Variants in EPHX4 observed in about 807,000 individuals in gnomAD.
The protein encoded by EPHX4 is epoxide hydrolase 4.
A neutral mutation model predicts 44.9 loss-of-function variants in EPHX4; 31 were observed. That is an observed-to-expected ratio of 0.69 (90% CI 0.52 to 0.93). The LOEUF (loss-of-function observed/expected upper bound fraction) is 0.93. Among genes scored for constraint, EPHX4 ranks in the 40% least tolerant of loss-of-function variants. The pLI, the probability that EPHX4 is intolerant of heterozygous loss-of-function variation, is 0.00. For missense variants in EPHX4, 373 were observed against 438.1 expected (o/e 0.85, Z 1.33); for synonymous variants, 151 against 159.7 (o/e 0.95, Z 0.41).
At chr1:92,046,347 G>A (rs1270406881) in intron 4 of EPHX4, among the ~76,000 whole-genome samples, 1 of 152,126 alleles carries the variant, frequency 6.6e-6, no homozygotes, top group African/African-American at 2.4e-5. Context: ...AGGAAATTTG[G>A]CCTCACACAG....
intron 1 of EPHX4, among the ~76,000 whole-genome samples, 175 bp downstream of exon 1, chr1:92,030,485 T>TGTGTGTGTGTGTGTGTGAGTGA (rs1326928763): frequency 1.1e-4 from 15 of 138,718 alleles, no homozygotes; most frequent in South Asian, 4.6e-4. Context: ...TGTGTGTGTG[T>TGTGTGTGTGTGTGTGTGAGTGA]GAGAGAGAGA....
intron 2 of EPHX4, among the ~76,000 whole-genome samples, chr1:92,035,445 G>A (rs973793683): frequency 6.6e-6 from 1 of 152,144 alleles, no homozygotes; most frequent in Non-Finnish European, 1.5e-5. Context: ...GAGTCAAAAT[G>A]TCGAAAATCT....
rs775346682 is a variant in EPHX4, at chr1:92,042,817, C to T, written c.318-6C>T. On this transcript the variant is annotated splice_region_variant and splice_polypyrimidine_tract_variant and intron_variant, in intron 2 of 6. Transcript: ENST00000370383. ...GATATTTTAAATGCTTCCTTTTTTC[C>T]TGCAGGTATTCTTGGCGTTACCAAC... 9.4e-6 allele frequency: 15 copies of T among 1,597,014 alleles called. No homozygotes were observed. Among genetic ancestry groups the T allele is most frequent in the South Asian group, 9.1e-5 (8 of 87,562 alleles).
intron 2 of EPHX4, 96 bp from the exon 3 acceptor site, chr1:92,042,724 CAAA>C (rs66834073): frequency 0.012 from 7,887 of 681,292 alleles, no homozygotes; most frequent in South Asian, 0.02. Flanking sequence ...AACTCTGTCT[CAAA>C]AAAAAAAAAA....
chr1:92,040,978 G>A (rs1296040955), intron 2 of EPHX4, among the ~76,000 whole-genome samples: 1 of 140,202 alleles, frequency 7.1e-6, no homozygotes. Context: ...AAATGTGCAT[G>A]CAGATGCTTT....
chr1:92,060,974 G>T (rs1647483061), intron 6 of EPHX4, among the ~76,000 whole-genome samples: 1 of 151,802 alleles, frequency 6.6e-6, no homozygotes, highest in Non-Finnish European at 1.5e-5. Flanking sequence ...TCTGCCTCCT[G>T]GGTTCAAGCG....
At position 92,063,523 on chromosome 1, in the gene EPHX4, CT is replaced by C; in HGVS notation, c.*239del. The C allele has an allele frequency of 3.4e-6, 1 of 291,584 alleles. No individual in the cohort carries two copies. 18.1% of individuals were successfully genotyped at this position (291,584 alleles called of 1,614,324 possible). ...AAGCATCTGCCTTAAAATATATACA[CT>C]TGTACAAAAAGGAAGTTTGGAGTAA... On this transcript the variant is annotated 3_prime_UTR_variant, in exon 7 of 7. Coordinates refer to ENST00000370383, the MANE Select transcript of EPHX4 (RefSeq NM_173567.5).
At chr1:92,050,722 T>G (rs1373715168) in intron 5 of EPHX4, among the ~76,000 whole-genome samples, 8 of 151,942 alleles carry the variant, frequency 5.3e-5, no homozygotes, top group African/African-American at 1.9e-4. Flanking sequence ...AGTAGAAGAC[T>G]TCGGGGTTAA....
intron 2 of EPHX4, among the ~76,000 whole-genome samples, chr1:92,035,885 G>A (rs543770517): frequency 4.9e-4 from 75 of 152,206 alleles, no homozygotes; most frequent in African/African-American, 1.7e-3. Flanking sequence ...AGTTGGCAGT[G>A]CCAGAAAGTC....
chr1:92,042,468 A>C (rs932542199), intron 2 of EPHX4, among the ~76,000 whole-genome samples: 1 of 152,032 alleles, frequency 6.6e-6, no homozygotes, highest in Non-Finnish European at 1.5e-5. Context: ...TCACACCTGT[A>C]ATCTCAGCAC....
At chr1:92,046,800 A>G (rs1688588953) in intron 4 of EPHX4, among the ~76,000 whole-genome samples, 1 of 152,236 alleles carries the variant, frequency 6.6e-6, no homozygotes, top group Admixed American at 6.5e-5. Flanking sequence ...ATGTGATGGC[A>G]AATAAATGAT....
chr1:92,057,390 G>GTATAAATGT (rs777829846), intron 6 of EPHX4, among the ~76,000 whole-genome samples: 1 of 152,026 alleles, frequency 6.6e-6, no homozygotes, highest in Non-Finnish European at 1.5e-5. Flanking sequence ...AGACATTAAG[G>GTATAAATGT]TATAAATGTT....
At chr1:92,030,469 T>TGG (rs2101863773) in intron 1 of EPHX4, among the ~76,000 whole-genome samples, 159 bp downstream of exon 1, 1 of 142,882 alleles carries the variant, frequency 7.0e-6, no homozygotes, top group African/African-American at 2.6e-5. Context: ...TGTGTGTGTG[T>TGG]GTGTGTGTGT....
chr1:92,047,501 A>G (rs1688598458), intron 4 of EPHX4, among the ~76,000 whole-genome samples: 1 of 152,230 alleles, frequency 6.6e-6, no homozygotes, highest in Non-Finnish European at 1.5e-5. Context: ...TTGAGACAGC[A>G]GAACTGCTTT....
chr1:92,030,968 A>G (rs1688351473), intron 1 of EPHX4, among the ~76,000 whole-genome samples: 1 of 152,216 alleles, frequency 6.6e-6, no homozygotes, highest in African/African-American at 2.4e-5. Context: ...CTCACAGCCC[A>G]CAAATATTCT....
intron 1 of EPHX4, 30 bp downstream of exon 1, chr1:92,030,340 G>T (rs1449667309): frequency 1.4e-6 from 2 of 1,471,762 alleles, no homozygotes; most frequent in East Asian, 2.5e-5. Context: ...TGGCGGGAGC[G>T]GGAGGGAGCG....
chr1:92,049,309 A>G (rs1647205759), intron 4 of EPHX4, among the ~76,000 whole-genome samples: 1 of 152,146 alleles, frequency 6.6e-6, no homozygotes, highest in African/African-American at 2.4e-5. Flanking sequence ...GGATTCAGCA[A>G]ACATCACATC....
chr1:92,030,483 T>TGTGTGTGTGTGTGTGTGTGA (rs745435867), intron 1 of EPHX4, among the ~76,000 whole-genome samples, 173 bp downstream of exon 1: 10,041 of 137,548 alleles, frequency 0.073, 781 homozygotes, highest in Non-Finnish European at 0.11. Context: ...TGTGTGTGTG[T>TGTGTGTGTGTGTGTGTGTGA]GTGAGAGAGA....
chr1:92,058,544 G>A (rs548007656), intron 6 of EPHX4, among the ~76,000 whole-genome samples: 28 of 152,094 alleles, frequency 1.8e-4, no homozygotes, highest in Middle Eastern at 3.4e-3. Context: ...AAAATTTAAC[G>A]CACATTCATG....
Sources: gnomAD v4.1 joint callset for allele counts (sites outside exome capture counted in the v4.1 genomes callset) on GRCh38, gnomAD v4.1.1 for gene constraint, MANE v1.5 for transcripts, NCBI Gene and HGNC (gene_info 2026-07-23, HGNC 2026-07-21) for gene names.